The following SCML2 variants were observed in gnomAD, a reference collection of about 807,000 sequenced individuals.
The protein encoded by SCML2 is Scm polycomb group protein like 2.
SCML2 carries 6 observed loss-of-function variants against 48.4 expected under a neutral mutation model. The observed-to-expected ratio is 0.12, with a 90% CI of 0.07 to 0.24. The LOEUF is 0.24. SCML2 is among the 10% of genes least tolerant of loss of function. The pLI, the probability that SCML2 is intolerant of heterozygous loss-of-function variation, is 1.00. For missense variants in SCML2, 377 were observed against 528.2 expected, an observed-to-expected ratio of 0.71 and a Z score of 2.81; for synonymous variants, 181 against 189.5, an observed-to-expected ratio of 0.95 and a Z score of 0.37.
At chrX:18,279,849 T>C (rs1569146885) in intron 7 of SCML2, among the ~76,000 whole-genome samples, 1 of 112,126 alleles carries the variant, frequency 8.9e-6, no homozygotes, top group Non-Finnish European at 1.9e-5. Flanking sequence ...GAACAAAATC[T>C]CTGAGAAATA....
chrX:18,341,934 T>C (rs1309163752), intron 1 of SCML2, among the ~76,000 whole-genome samples: 1 of 112,161 alleles, frequency 8.9e-6, no homozygotes. Context: ...TATAATCTAT[T>C]GGTAAATGCT....
chrX:18,301,488 A>G (rs1469538938), intron 7 of SCML2, among the ~76,000 whole-genome samples: 1 of 112,264 alleles, frequency 8.9e-6, no homozygotes, highest in African/African-American at 3.2e-5. Flanking sequence ...AATGAAGAGG[A>G]GGGCTAGGTG....
At chrX:18,353,596 G>A (rs752099339) in intron 1 of SCML2, among the ~76,000 whole-genome samples, 14 of 112,818 alleles carry the variant, frequency 1.2e-4, no homozygotes, top group Non-Finnish European at 2.4e-4. Context: ...CAAACAAGAA[G>A]CAAATTTCAA....
At chrX:18,255,332 T>C (rs945003374) in intron 11 of SCML2, among the ~76,000 whole-genome samples, 1 of 112,189 alleles carries the variant, frequency 8.9e-6, no homozygotes, top group African/African-American at 3.2e-5. Context: ...TATGGGCACA[T>C]AGCTAGTTAA....
chrX:18,354,751 C>A, upstream of SCML2: 1 of 204,514 alleles, frequency 4.9e-6, no homozygotes, highest in African/African-American at 3.0e-5. Context: ...GGCCGGCCCG[C>A]GTGCCCTGCG....
rs187144319 is a variant in SCML2, at chrX:18,255,750, C to T, written c.1456+1098G>A. 4.5e-3 allele frequency among the ~76,000 whole-genome samples: 512 copies of T among 112,765 alleles called. 5 individuals are homozygous for T. Among genetic ancestry groups the T allele is most frequent in the African/African-American group, 0.015 (479 of 31,149 alleles). ...CAGAAAAAAAAGTAGTAGCTAGAGA[C>T]GTGGTACCCACGCTTCACACTTGAG... On this transcript the variant is annotated intron_variant, in intron 11 of 14. Transcript: ENST00000251900.
intron 6 of SCML2, among the ~76,000 whole-genome samples, chrX:18,318,041 G>C (rs1436875681): frequency 8.9e-6 from 1 of 112,013 alleles, no homozygotes; most frequent in African/African-American, 3.2e-5. Flanking sequence ...TGTATGACAA[G>C]TGTGGCATGC....
At chrX:18,322,582 A>G (rs746561120) in intron 5 of SCML2, among the ~76,000 whole-genome samples, 1 of 112,251 alleles carries the variant, frequency 8.9e-6, no homozygotes, top group African/African-American at 3.2e-5. Context: ...TTGGAATAAC[A>G]TATCTCCAAC....
intron 7 of SCML2, among the ~76,000 whole-genome samples, chrX:18,278,978 C>T (rs906859153): frequency 8.9e-6 from 1 of 112,646 alleles, no homozygotes; most frequent in East Asian, 2.8e-4. Context: ...AGGGCCGGTC[C>T]AGAAGGGGTG....
intron 7 of SCML2, among the ~76,000 whole-genome samples, chrX:18,279,056 T>A (rs1245372522): frequency 8.9e-6 from 1 of 111,941 alleles, no homozygotes; most frequent in Non-Finnish European, 1.9e-5. Context: ...AACAAAAGAA[T>A]CACAAGCACA....
intron 6 of SCML2, among the ~76,000 whole-genome samples, chrX:18,306,239 A>G (rs907627455): frequency 9.0e-6 from 1 of 111,179 alleles, no homozygotes; most frequent in Non-Finnish European, 1.9e-5. Flanking sequence ...CTTGAGGTTG[A>G]GAACCACTAC....
At chrX:18,284,079 G>T (rs1927959445) in intron 7 of SCML2, among the ~76,000 whole-genome samples, 3 of 111,597 alleles carry the variant, frequency 2.7e-5, no homozygotes, top group African/African-American at 9.8e-5. Flanking sequence ...ACAGACCAAT[G>T]GAACAGAACA....
chrX:18,340,226 C>T (rs1473908685), intron 1 of SCML2, among the ~76,000 whole-genome samples: 2 of 110,611 alleles, frequency 1.8e-5, no homozygotes, highest in Admixed American at 1.9e-4. Context: ...CCAGCCTGGG[C>T]GGCACAGTGA....
At chrX:18,354,378 G>A (rs1268825767) in intron 1 of SCML2, among the ~76,000 whole-genome samples, 1 of 111,883 alleles carries the variant, frequency 8.9e-6, no homozygotes, top group Non-Finnish European at 1.9e-5. Context: ...GGGGAAACGC[G>A]AGATCGGCTG....
chrX:18,311,631 C>G (rs1490116758), intron 6 of SCML2, among the ~76,000 whole-genome samples: 1 of 111,522 alleles, frequency 9.0e-6, no homozygotes, highest in Admixed American at 9.5e-5. Flanking sequence ...AGTAGGAGAG[C>G]AGTAGGAAAT....
At chrX:18,320,578 C>A (rs1774361242) in intron 5 of SCML2, among the ~76,000 whole-genome samples, 158 bp from the exon 6 acceptor site, 1 of 111,767 alleles carries the variant, frequency 8.9e-6, no homozygotes, top group South Asian at 3.8e-4. Context: ...ATGTACCCTC[C>A]TCTCATTGCT....
In SCML2 at chrX:18,271,143, G is replaced by C. The variant is rs751718399; in HGVS notation, c.731-5341C>G. Among the ~76,000 whole-genome samples, 5 of 111,521 alleles carry C rather than the reference G, an allele frequency of 4.5e-5. No homozygotes were observed. The South Asian group carries it at 1.9e-3, about 43-fold the overall frequency. ...GAATGAGGGAAACTAGAGAAAGAAA[G>C]GAGATAGGTGCCAATATTTACTGGC... is the stretch of plus-strand genomic sequence containing the variant. On this transcript the variant is annotated intron_variant, in intron 7 of 14. Coordinates refer to ENST00000251900, the MANE Select transcript of SCML2 (RefSeq NM_006089.3).
In SCML2 at chrX:18,265,809, AAAAAAATAC is replaced by A. The variant is rs780743407; in HGVS notation, c.731-16_731-8del. Reference sequence around the variant, plus strand: ...ATATTCTTTACAATAGGAACTGAGGAAAAAAATACAAAAAATATTAAAGTAAATGACACA... The same window carrying A: ...ATATTCTTTACAATAGGAACTGAGGAAAAAAATATTAAAGTAAATGACACA... On this transcript the variant is annotated splice_region_variant and splice_polypyrimidine_tract_variant and intron_variant, in intron 7 of 14. Transcript: ENST00000251900. 2 of 1,113,867 alleles carry A rather than the reference AAAAAAATAC, an allele frequency of 1.8e-6. No individual in the cohort carries two copies. The highest frequency in any genetic ancestry group is 2.5e-6 in the Non-Finnish European group (2 of 815,689). The allele number at this position is 1,113,867 out of a possible 1,213,427, so 91.8% of individuals were successfully genotyped here. A position where few individuals can be genotyped will look rare whatever the true frequency, so the allele number is the denominator to read the frequency against.
chrX:18,335,846 A>C (rs1000787216), intron 1 of SCML2, among the ~76,000 whole-genome samples: 2 of 112,378 alleles, frequency 1.8e-5, no homozygotes, highest in Non-Finnish European at 3.8e-5. Context: ...TGATCATCAA[A>C]ATCCTCATAG....
Sources: allele counts gnomAD v4.1 joint callset (sites outside exome capture counted in the v4.1 genomes callset), GRCh38; gene constraint gnomAD v4.1.1; transcripts MANE v1.5; gene names NCBI Gene and HGNC (gene_info 2026-07-23, HGNC 2026-07-21).